Variants in NDST3 observed in about 807,000 individuals in gnomAD.
NDST3 encodes the protein bifunctional heparan sulfate N-deacetylase/N-sulfotransferase 3.
A neutral mutation model predicts 96.1 loss-of-function variants in NDST3; 58 were observed. That is an observed-to-expected ratio of 0.60 (90% CI 0.49 to 0.75). The LOEUF (loss-of-function observed/expected upper bound fraction) is 0.75. Ranked by LOEUF, NDST3 falls within the 30% of genes least tolerant of loss-of-function variation. NDST3 has a pLI of 0.00. For missense variants in NDST3, 788 were observed against 1,034.2 expected (o/e 0.76, Z 3.27); for synonymous variants, 333 against 359.7 (o/e 0.93, Z 0.84).
chr4:118,233,007 T>C lies in NDST3; in HGVS notation c.1820-5T>C, dbSNP rs2271579. ...TTAATTTCTGAACCTCTATTGTCTT[T>C]CTAGGTACCACTGCTTTGTATTTGT... On this transcript the variant is annotated splice_region_variant and splice_polypyrimidine_tract_variant and intron_variant, in intron 8 of 13. Coordinates refer to ENST00000296499, the MANE Select transcript of NDST3 (RefSeq NM_004784.3). The C allele has an allele frequency of 3.1e-6, 5 of 1,610,546 alleles. No individual in the cohort carries two copies. The East Asian group carries it at 1.1e-4, about 36-fold the overall frequency.
rs535635455 is a variant in NDST3, at chr4:118,068,617, A to G, written c.981+13726A>G. On this transcript the variant is annotated intron_variant, in intron 2 of 13. Coordinates refer to ENST00000296499, the MANE Select transcript of NDST3 (RefSeq NM_004784.3). The stretch of plus-strand genomic sequence containing the variant: ...TCAAAGATTTTTGTCTTGGTAGATC[A>G]GGGGGAAGTGAGGGGCCCAGATCAC... Among the ~76,000 whole-genome samples the G allele has an allele frequency of 6.6e-5, 10 of 151,906 alleles. No homozygotes were observed. In the South Asian group the frequency reaches 2.1e-3, roughly 31 times the overall value.
intron 6 of NDST3, among the ~76,000 whole-genome samples, chr4:118,213,576 T>A (rs1578823825): frequency 7.5e-6 from 1 of 133,176 alleles, no homozygotes; most frequent in African/African-American, 2.5e-5. Flanking sequence ...AGCCATTAAA[T>A]ATATATATAT....
At position 118,138,151 on chromosome 4, in the gene NDST3, T is replaced by C; in HGVS notation, c.1322T>C (p.Val441Ala). ...HVQLYEAWKK[V>A]WNIKITSTEE... is the part of the protein sequence containing the mutation. ...CAGCTTTATGAGGCCTGGAAGAAGG[T>C]CTGGAATATTAAAATCACCAGCACT... The change falls in exon 5 of 14, where the codon GTC (valine) becomes GCC (alanine). Residue 441 changes from valine to alanine, a missense_variant. By Grantham distance (64) the Val-to-Ala change is moderately conservative (BLOSUM62 0). This residue lies in a region of NDST3 where 490 missense variants were observed against 708.8 expected (regional missense o/e 0.69). Transcript: ENST00000296499. The C allele has an allele frequency of 4.3e-6, 7 of 1,614,004 alleles. No homozygotes were observed. The highest frequency in any genetic ancestry group is 5.9e-6 in the Non-Finnish European group (7 of 1,179,958).
intron 2 of NDST3, among the ~76,000 whole-genome samples, chr4:118,090,287 G>A (rs11722698): frequency 0.12 from 18,736 of 151,946 alleles, 1,527 homozygotes; most frequent in South Asian, 0.21. Flanking sequence ...TAAACAGCAA[G>A]TTAAAGTTTC....
chr4:118,069,471 T>C (rs1315103535), intron 2 of NDST3, among the ~76,000 whole-genome samples: 3 of 152,040 alleles, frequency 2.0e-5, no homozygotes, highest in African/African-American at 7.2e-5. Flanking sequence ...GTGAGCCCTG[T>C]TTGGGGTTTT....
intron 6 of NDST3, among the ~76,000 whole-genome samples, chr4:118,166,767 T>G (rs914839361): frequency 1.3e-5 from 2 of 151,878 alleles, no homozygotes; most frequent in Admixed American, 1.3e-4. Context: ...TAATGTAATA[T>G]ACCAAAATAA....
chr4:118,149,135 C>A (rs986968791), intron 6 of NDST3, among the ~76,000 whole-genome samples: 5 of 152,130 alleles, frequency 3.3e-5, no homozygotes, highest in African/African-American at 7.2e-5. Context: ...GGTACCAGTA[C>A]CATGCTGTTT....
At position 118,207,066 on chromosome 4, in the gene NDST3, A is replaced by T. The variant is rs980119151; in HGVS notation, c.1540-17425A>T. Among the ~76,000 whole-genome samples the T allele has an allele frequency of 5.6e-5, 8 of 142,600 alleles. 1 individual carries two copies. Among genetic ancestry groups the T allele is most frequent in the African/African-American group, 2.1e-4 (8 of 38,444 alleles). The allele number at this position is 142,600 out of a possible 152,430, so 93.6% of individuals were successfully genotyped here. ...TAAAACAATCTCTAAGATGTATTAAATTTTTAAAAATTAATATATTAAATT... is the reference window on the plus strand; with the variant it reads ...TAAAACAATCTCTAAGATGTATTAATTTTTTAAAAATTAATATATTAAATT... On this transcript the variant is annotated intron_variant, in intron 6 of 13. Coordinates refer to ENST00000296499, the MANE Select transcript of NDST3 (RefSeq NM_004784.3).
chr4:118,093,421 T>C (rs11730541), intron 2 of NDST3, among the ~76,000 whole-genome samples: 114,130 of 151,622 alleles, frequency 0.75, 45,604 homozygotes, highest in South Asian at 0.92. Context: ...ATTAATTCTG[T>C]GGCACAATTT....
chr4:118,087,308 A>G (rs984026005), intron 2 of NDST3, among the ~76,000 whole-genome samples: 4 of 152,174 alleles, frequency 2.6e-5, no homozygotes, highest in Non-Finnish European at 4.4e-5. Context: ...AAGCTTTTAC[A>G]TATCATCTCA....
intron 4 of NDST3, among the ~76,000 whole-genome samples, chr4:118,122,108 T>G (rs1731635786): frequency 6.6e-6 from 1 of 152,184 alleles, no homozygotes; most frequent in African/African-American, 2.4e-5. Context: ...AAAGATAAAT[T>G]TAGCACATGT....
At chr4:118,139,553 C>A (rs1733398319) in intron 5 of NDST3, among the ~76,000 whole-genome samples, 1 of 152,090 alleles carries the variant, frequency 6.6e-6, no homozygotes, top group South Asian at 2.1e-4. Flanking sequence ...CAAGTAGAGA[C>A]CACAGGAGCC....
At chr4:118,070,519 C>A (rs1726967369) in intron 2 of NDST3, among the ~76,000 whole-genome samples, 2 of 152,074 alleles carry the variant, frequency 1.3e-5, no homozygotes, top group African/African-American at 4.8e-5. Flanking sequence ...ATGATTACTC[C>A]CTACAGTCTA....
intron 6 of NDST3, among the ~76,000 whole-genome samples, chr4:118,148,158 C>T (rs942841930): frequency 1.4e-4 from 21 of 152,164 alleles, no homozygotes; most frequent in Middle Eastern, 3.4e-3. Context: ...ATTAGCCAGG[C>T]GTGGTGGCAG....
At chr4:118,162,771 G>T (rs996998148) in intron 6 of NDST3, among the ~76,000 whole-genome samples, 7 of 148,116 alleles carry the variant, frequency 4.7e-5, no homozygotes, top group African/African-American at 9.8e-5. Context: ...AAACTAAAGA[G>T]CTTCTGCACA....
intron 4 of NDST3, among the ~76,000 whole-genome samples, chr4:118,129,841 T>A (rs1309686571): frequency 6.6e-6 from 1 of 152,088 alleles, no homozygotes; most frequent in Non-Finnish European, 1.5e-5. Context: ...GCTCTAATAA[T>A]ATTTTTTTAT....
intron 6 of NDST3, among the ~76,000 whole-genome samples, chr4:118,171,155 A>AT (rs1735921783): frequency 6.6e-6 from 1 of 152,134 alleles, no homozygotes; most frequent in African/African-American, 2.4e-5. Flanking sequence ...GAGAATTCCT[A>AT]TTTTGACCTC....
intron 6 of NDST3, among the ~76,000 whole-genome samples, chr4:118,204,887 T>C (rs1402180476): frequency 6.9e-6 from 1 of 144,558 alleles, no homozygotes; most frequent in Non-Finnish European, 1.5e-5. Flanking sequence ...AACACAAATA[T>C]AGTTGCTTAT....
intron 4 of NDST3, among the ~76,000 whole-genome samples, chr4:118,126,514 G>GTATATATATA (rs776694923): frequency 6.1e-5 from 3 of 49,258 alleles, no homozygotes; most frequent in African/African-American, 1.3e-4. Flanking sequence ...GTATGTATGT[G>GTATATATATA]TATATATATA....
Sources: allele counts gnomAD v4.1 joint callset (sites outside exome capture counted in the v4.1 genomes callset), GRCh38; gene constraint gnomAD v4.1.1; regional missense constraint gnomAD v4.1.1; transcripts MANE v1.5; gene names NCBI Gene and HGNC (gene_info 2026-07-23, HGNC 2026-07-21).